The following RAB44 variants were observed in gnomAD, a reference collection of about 807,000 sequenced individuals.
The protein encoded by RAB44 is RAB44, member RAS oncogene family.
RAB44 carries 67 observed loss-of-function variants against 93.3 expected under a neutral mutation model. The ratio of observed to expected loss-of-function variants is 0.72; its 90% CI spans 0.59 to 0.88. The LOEUF is 0.88. RAB44 is among the 40% of genes least tolerant of loss of function. RAB44 has a pLI of 0.00. For synonymous variants in RAB44, 427 were observed against 520.3 expected (o/e 0.82, Z 2.44); for missense variants, 1,064 against 1,261.7 (o/e 0.84, Z 2.37).
intron 1 of RAB44, among the ~76,000 whole-genome samples, chr6:36,699,564 C>T (rs1230180880): frequency 1.3e-5 from 2 of 152,204 alleles, no homozygotes; most frequent in East Asian, 1.9e-4. Flanking sequence ...AAGCCCTTGT[C>T]CCACTCAGGG....
Position 36,721,921 on chromosome 6 carries a change from C to T in RAB44, c.1787C>T (p.Thr596Ile). The change falls in exon 9 of 14, where the codon ACT becomes ATT. Residue 596 changes from threonine (T) to isoleucine (I), a missense_variant. Coordinates refer to ENST00000612677, the MANE Select transcript of RAB44 (RefSeq NM_001257357.2). ...RDALQQDLHATGSEPRLGTQR... is the reference protein window; with the variant it reads ...RDALQQDLHAIGSEPRLGTQR... ...GCCCTCCAGCAGGACCTGCATGCCA[C>T]TGGCTCTGAGCCAAGACTGGGGACC... 8.1e-7 allele frequency: 1 copy of T among 1,234,842 alleles called. No homozygotes were observed. 76.5% of individuals were successfully genotyped at this position (1,234,842 alleles called of 1,614,324 possible).
At chr6:36,712,120 T>A (rs1042554847) in intron 2 of RAB44, among the ~76,000 whole-genome samples, 1 of 151,902 alleles carries the variant, frequency 6.6e-6, no homozygotes, top group Non-Finnish European at 1.5e-5. Context: ...TTGGCCAACA[T>A]GGTGAAACCC....
At chr6:36,720,151 C>G (rs949643593) in intron 7 of RAB44, among the ~76,000 whole-genome samples, 1 of 152,090 alleles carries the variant, frequency 6.6e-6, no homozygotes, top group African/African-American at 2.4e-5. Context: ...CCTGCCCTCC[C>G]CACCCTAGGA....
At chr6:36,719,151 C>T (rs1354552036) in intron 7 of RAB44, among the ~76,000 whole-genome samples, 1 of 152,166 alleles carries the variant, frequency 6.6e-6, no homozygotes, top group Non-Finnish European at 1.5e-5. Context: ...TTGTGATCAG[C>T]GCCCCATTAT....
At chr6:36,718,405 G>A (rs1762981335) in intron 6 of RAB44, 88 bp from the exon 7 acceptor site, 9 of 646,924 alleles carry the variant, frequency 1.4e-5, no homozygotes, top group Non-Finnish European at 2.0e-5. Context: ...GGCACCCCAG[G>A]TGGTGGAGGT....
At chr6:36,701,995 C>T (rs752788994) in intron 1 of RAB44, among the ~76,000 whole-genome samples, 2 of 151,924 alleles carry the variant, frequency 1.3e-5, no homozygotes, top group African/African-American at 2.4e-5. Flanking sequence ...ATTCAGTTGG[C>T]GCTCGGTAAA....
At position 36,713,830 on chromosome 6, in the gene RAB44, G is replaced by T. The variant is rs1216281134; in HGVS notation, c.210G>T (p.Val70=). ...CCCAACTTGCCCATTCCTTCCAGGT[G>T]GCCAAGTTCAGCTTCCTGGGCAGCA... ...RGFVTREDLA[V]AKFSFLGSKE... is the part of the protein sequence containing the mutation. Residue 70 remains valine (V), a splice_region_variant and synonymous_variant, in exon 3 of 14, where the codon GTG becomes GTT. Transcript: ENST00000612677. The T allele has an allele frequency of 5.9e-6, 9 of 1,534,182 alleles. No individual in the cohort carries two copies. The highest frequency in any genetic ancestry group is 7.9e-6 in the Non-Finnish European group (9 of 1,145,244).
At chr6:36,712,038 C>T (rs961419181) in intron 2 of RAB44, among the ~76,000 whole-genome samples, 1 of 152,196 alleles carries the variant, frequency 6.6e-6, no homozygotes, top group African/African-American at 2.4e-5. Flanking sequence ...CGTGGTGGCT[C>T]ATGCCTGTAA....
chr6:36,727,769 C>T (rs908013610), intron 11 of RAB44, 78 bp downstream of exon 11: 10 of 911,772 alleles, frequency 1.1e-5, no homozygotes, highest in Non-Finnish European at 1.8e-5. Context: ...TCCCTCTTTT[C>T]TCCCAGGATT....
chr6:36,720,677 C>T, intron 8 of RAB44, 127 bp downstream of exon 8: 1 of 726,990 alleles, frequency 1.4e-6, no homozygotes, highest in African/African-American at 1.8e-5. Flanking sequence ...TTAAACCCCA[C>T]CCTCTGCCAA....
intron 12 of RAB44, among the ~76,000 whole-genome samples, chr6:36,729,841 A>G (rs1763321595): frequency 6.6e-6 from 1 of 152,232 alleles, no homozygotes; most frequent in Admixed American, 6.5e-5. Flanking sequence ...CTAGCAATTT[A>G]TCGTAAGGGA....
chr6:36,722,133 C>G lies in RAB44; in HGVS notation c.1999C>G (p.His667Asp), dbSNP rs929828196. Residue 667 changes from histidine to aspartate, a missense_variant, in exon 9 of 14, where the codon CAC (histidine) becomes GAC (aspartate). Coordinates refer to ENST00000612677, the MANE Select transcript of RAB44 (RefSeq NM_001257357.2). ...GCTGGGTGAGCTGTCTGCCTTCCCC[C>G]ACCAGGAGCTGGAAGAGGAACCCAG... Reference protein sequence around the residue: ...LGLGELSAFPHQELEEEPRSE... With the variant: ...LGLGELSAFPDQELEEEPRSE... The G allele has an allele frequency of 7.3e-6, 9 of 1,236,502 alleles. No individual in the cohort carries two copies. The South Asian group carries it at 1.2e-4, about 17-fold the overall frequency. 76.6% of individuals were successfully genotyped at this position (1,236,502 alleles called of 1,614,324 possible).
At chr6:36,706,789 C>T (rs549292585) in intron 2 of RAB44, among the ~76,000 whole-genome samples, 27 of 150,968 alleles carry the variant, frequency 1.8e-4, no homozygotes, top group South Asian at 8.3e-4. Context: ...TGCAGTGGTG[C>T]GATCTTGGCT....
intron 4 of RAB44, among the ~76,000 whole-genome samples, chr6:36,716,327 G>A (rs376078913): frequency 3.3e-5 from 5 of 152,020 alleles, no homozygotes; most frequent in South Asian, 2.1e-4. Flanking sequence ...AAAATTAGCC[G>A]GGCGTGGTGG....
At position 36,715,487 on chromosome 6, in the gene RAB44, T is replaced by A. The variant is rs1180754897; in HGVS notation, c.328T>A (p.Phe110Ile). The A allele has an allele frequency of 1.1e-5, 17 of 1,535,962 alleles. No homozygotes were observed. Among genetic ancestry groups the A allele is most frequent in the Non-Finnish European group, 1.4e-5 (16 of 1,146,900 alleles). ...EEFSSGLKNI[F>I]GSSQSPHRLR... ...CCACTTCTGTCCCACAGAAAACATC[T>A]TTGGCTCCAGCCAGAGCCCCCACAG... Residue 110 changes from phenylalanine to isoleucine, a missense_variant, in exon 4 of 14, where the codon TTT becomes ATT. Coordinates refer to ENST00000612677, the MANE Select transcript of RAB44 (RefSeq NM_001257357.2).
At chr6:36,707,304 C>A (rs1762672959) in intron 2 of RAB44, among the ~76,000 whole-genome samples, 1 of 151,694 alleles carries the variant, frequency 6.6e-6, no homozygotes, top group East Asian at 1.9e-4. Flanking sequence ...CTGCAGTAAG[C>A]CGAGATCAAG....
chr6:36,704,075 T>C (rs1273107927), intron 1 of RAB44, 149 bp from the exon 2 acceptor site: 14 of 690,128 alleles, frequency 2.0e-5, no homozygotes, highest in Non-Finnish European at 2.4e-6. Context: ...GGCGACGAGG[T>C]CAGAGGACCC....
intron 4 of RAB44, among the ~76,000 whole-genome samples, chr6:36,716,469 CA>C (rs567193522): frequency 5.1e-3 from 391 of 76,248 alleles, no homozygotes; most frequent in African/African-American, 0.011. Flanking sequence ...GACTCTGTCT[CA>C]AAAAAAAAAA....
At position 36,721,035 on chromosome 6, in the gene RAB44, A is replaced by G. The variant is rs565374254; in HGVS notation, c.1017-116A>G. 7 of 966,858 alleles carry G rather than the reference A, an allele frequency of 7.2e-6. No individual in the cohort carries two copies. The African/African-American group carries it at 1.2e-4, about 16-fold the overall frequency. The allele number at this position is 966,858 out of a possible 1,614,324, so 59.9% of individuals were successfully genotyped here. A position where few individuals can be genotyped will look rare whatever the true frequency, so the allele number is the denominator to read the frequency against. Reference sequence around the variant, plus strand: ...GGTGAGAAAGATTGCCTGAGCAAGGACTGGGAGGAGACCTGGCCATGGGGA... The same window carrying G: ...GGTGAGAAAGATTGCCTGAGCAAGGGCTGGGAGGAGACCTGGCCATGGGGA... On this transcript the variant is annotated intron_variant, in intron 8 of 13. Transcript: ENST00000612677.
Sources: allele counts gnomAD v4.1 joint callset (sites outside exome capture counted in the v4.1 genomes callset), GRCh38; gene constraint gnomAD v4.1.1; transcripts MANE v1.5; gene names NCBI Gene and HGNC (gene_info 2026-07-23, HGNC 2026-07-21).